The following SLC39A9 variants were observed in gnomAD, a reference collection of about 807,000 sequenced individuals.
The protein encoded by SLC39A9 is solute carrier family 39 member 9, also known as zinc transporter ZIP9.
SLC39A9 carries 14 observed loss-of-function variants against 28.4 expected under a neutral mutation model. The ratio of observed to expected loss-of-function variants is 0.49; its 90% CI spans 0.33 to 0.77. The LOEUF (loss-of-function observed/expected upper bound fraction) is 0.77. Ranked by LOEUF, SLC39A9 falls within the 30% of genes least tolerant of loss-of-function variation. The probability of loss-of-function intolerance (pLI) is 0.02; values close to 1 mark genes in which losing one functional copy is unlikely to be tolerated. For missense variants in SLC39A9, 283 were observed against 381.1 expected (o/e 0.74, Z 2.14); for synonymous variants, 119 against 149.6 (o/e 0.80, Z 1.49).
At chr14:69,437,058 G>A (rs891234317) in intron 2 of SLC39A9, among the ~76,000 whole-genome samples, 1 of 152,032 alleles carries the variant, frequency 6.6e-6, no homozygotes, top group Admixed American at 6.6e-5. Flanking sequence ...TAGTAGAGAC[G>A]GGGTTTCACC....
At chr14:69,417,974 AATT>A (rs2140266155) in intron 1 of SLC39A9, among the ~76,000 whole-genome samples, 1 of 152,202 alleles carries the variant, frequency 6.6e-6, no homozygotes, top group African/African-American at 2.4e-5. Flanking sequence ...TCTCTTGCCT[AATT>A]GTCCTGGCCA....
chr14:69,454,232 A>T (rs999245590), intron 4 of SLC39A9, among the ~76,000 whole-genome samples: 2 of 152,188 alleles, frequency 1.3e-5, no homozygotes, highest in African/African-American at 4.8e-5. Flanking sequence ...TTTACTTATT[A>T]AGTAGTAATC....
At chr14:69,435,768 G>T (rs1317265832) in intron 2 of SLC39A9, among the ~76,000 whole-genome samples, 3 of 151,936 alleles carry the variant, frequency 2.0e-5, no homozygotes, top group Non-Finnish European at 4.4e-5. Context: ...TGCCTCCCGG[G>T]TTCAAGCGAT....
At chr14:69,406,975 C>T (rs572686063) in intron 1 of SLC39A9, among the ~76,000 whole-genome samples, 1 of 150,838 alleles carries the variant, frequency 6.6e-6, no homozygotes, top group Non-Finnish European at 1.5e-5. Flanking sequence ...CTCAGCCCCC[C>T]CAGTAGATGG....
intron 1 of SLC39A9, among the ~76,000 whole-genome samples, chr14:69,406,971 C>T (rs10142738): frequency 0.19 from 28,048 of 149,584 alleles, 2,736 homozygotes; most frequent in South Asian, 0.27. Context: ...CTGCCTCAGC[C>T]CCCCCAGTAG....
chr14:69,439,534 C>T lies in SLC39A9; in HGVS notation c.206-2535C>T, dbSNP rs142406575. ...AAATATCCGTAGTACCCAAAGTGAT[C>T]TACAGATTTAATGCAACCCCTATCA... On this transcript the variant is annotated intron_variant, in intron 2 of 6. Coordinates refer to ENST00000336643, the MANE Select transcript of SLC39A9 (RefSeq NM_018375.5). Among the ~76,000 whole-genome samples the T allele has an allele frequency of 2.3e-3, 351 of 152,218 alleles. 2 individuals carry two copies. Among genetic ancestry groups the T allele is most frequent in the African/African-American group, 8.2e-3 (339 of 41,540 alleles).
intron 1 of SLC39A9, among the ~76,000 whole-genome samples, chr14:69,418,924 A>G (rs536750664): frequency 1.3e-5 from 2 of 152,082 alleles, no homozygotes; most frequent in Non-Finnish European, 2.9e-5. Context: ...CTAGCGGTCT[A>G]TCAATTTTGT....
At chr14:69,438,586 T>C (rs1412879560) in intron 2 of SLC39A9, among the ~76,000 whole-genome samples, 2 of 152,160 alleles carry the variant, frequency 1.3e-5, no homozygotes, top group Non-Finnish European at 2.9e-5. Flanking sequence ...TTATCAGCTT[T>C]CACGTAAAAA....
intron 2 of SLC39A9, among the ~76,000 whole-genome samples, chr14:69,430,628 C>CTTTTTTTTTTTTTTTTTTTT (rs71446389): frequency 7.3e-6 from 1 of 137,748 alleles, no homozygotes; most frequent in Non-Finnish European, 1.5e-5. Flanking sequence ...ATTTTTCTTT[C>CTTTTTTTTTTTTTTTTTTTT]TTTTTTTTTT....
At chr14:69,400,206 G>A (rs1279734585) in intron 1 of SLC39A9, among the ~76,000 whole-genome samples, 1 of 152,212 alleles carries the variant, frequency 6.6e-6, no homozygotes, top group East Asian at 1.9e-4. Context: ...ATGAATGTAA[G>A]AAAAAACTAA....
chr14:69,442,898 A>G (rs1005640481), intron 3 of SLC39A9, among the ~76,000 whole-genome samples: 2 of 152,168 alleles, frequency 1.3e-5, no homozygotes, highest in Non-Finnish European at 2.9e-5. Context: ...TTTTGTTTTG[A>G]TGGTTATTGG....
At position 69,458,949 on chromosome 14, in the gene SLC39A9, T is replaced by C; in HGVS notation, c.*356T>C. ...TGAAATAGTGATTATGAAAATACAG[T>C]GTTCTGTAATTAAGCTATGTCTCTT... On this transcript the variant is annotated 3_prime_UTR_variant, in exon 7 of 7. Coordinates refer to ENST00000336643, the MANE Select transcript of SLC39A9 (RefSeq NM_018375.5). 9.8e-7 allele frequency: 1 copy of C among 1,016,188 alleles called. No individual in the cohort carries two copies. Among genetic ancestry groups the C allele is most frequent in the Non-Finnish European group, 1.2e-6 (1 of 848,638 alleles). The allele number at this position is 1,016,188 out of a possible 1,614,324, so 62.9% of individuals were successfully genotyped here.
chr14:69,418,918 C>T (rs1176877428), intron 1 of SLC39A9, among the ~76,000 whole-genome samples: 2 of 152,078 alleles, frequency 1.3e-5, no homozygotes, highest in South Asian at 2.1e-4. Flanking sequence ...GTCTTGCTAG[C>T]GGTCTATCAA....
intron 2 of SLC39A9, among the ~76,000 whole-genome samples, chr14:69,429,859 C>A (rs1884402248): frequency 1.3e-5 from 2 of 152,296 alleles, no homozygotes; most frequent in Non-Finnish European, 2.9e-5. Flanking sequence ...CCTTCCTTGT[C>A]AACACTTAGT....
rs1241664501 is a variant in SLC39A9, at chr14:69,458,921, C to G, written c.*328C>G. 1 of 1,057,536 alleles carries G rather than the reference C, an allele frequency of 9.5e-7. No homozygotes were observed. Among genetic ancestry groups the G allele is most frequent in the African/African-American group, 1.7e-5 (1 of 60,432 alleles). The allele number at this position is 1,057,536 out of a possible 1,614,324, so 65.5% of individuals were successfully genotyped here. A position where few individuals can be genotyped will look rare whatever the true frequency, so the allele number is the denominator to read the frequency against. ...GGAAAAGAGGAGAACTTCATACTCACAATGAAATAGTGATTATGAAAATAC... is the reference window on the plus strand; with the variant it reads ...GGAAAAGAGGAGAACTTCATACTCAGAATGAAATAGTGATTATGAAAATAC... On this transcript the variant is annotated 3_prime_UTR_variant, in exon 7 of 7. Transcript: ENST00000336643.
chr14:69,407,449 T>G (rs1356469093), intron 1 of SLC39A9, among the ~76,000 whole-genome samples: 1 of 151,986 alleles, frequency 6.6e-6, no homozygotes, highest in African/African-American at 2.4e-5. Context: ...GTGATTCTCC[T>G]GCCTCAGCCT....
chr14:69,439,731 T>C (rs2139422128), intron 2 of SLC39A9, among the ~76,000 whole-genome samples: 1 of 152,264 alleles, frequency 6.6e-6, no homozygotes. Flanking sequence ...GTTCTCCCTC[T>C]ATAATTTAAC....
intron 1 of SLC39A9, among the ~76,000 whole-genome samples, chr14:69,403,319 G>A (rs935568764): frequency 7.2e-5 from 11 of 152,146 alleles, no homozygotes; most frequent in African/African-American, 2.4e-4. Flanking sequence ...TGCTGCAGTT[G>A]ATAAATGGAG....
intron 1 of SLC39A9, among the ~76,000 whole-genome samples, chr14:69,408,445 A>G (rs771424975): frequency 1.3e-5 from 2 of 152,248 alleles, no homozygotes; most frequent in African/African-American, 2.4e-5. Context: ...ACAGAGAATT[A>G]AGCCTGGAGT....
Sources: allele counts gnomAD v4.1 joint callset (sites outside exome capture counted in the v4.1 genomes callset), GRCh38; gene constraint gnomAD v4.1.1; transcripts MANE v1.5; gene names NCBI Gene and HGNC (gene_info 2026-07-23, HGNC 2026-07-21).